KLF12: variants seen among roughly 807,000 people sequenced by gnomAD.
The protein encoded by KLF12 is KLF transcription factor 12, also known as Krueppel-like factor 12.
In KLF12, 9 loss-of-function variants were observed where a neutral mutation model predicts 37.8. The ratio of observed to expected loss-of-function variants is 0.24; its 90% confidence interval spans 0.14 to 0.42. The LOEUF is 0.42. KLF12 is among the 10% of genes least tolerant of loss of function. KLF12 has a pLI of 1.00. For missense variants in KLF12, 411 were observed against 516.0 expected, an observed-to-expected ratio of 0.80 and a Z score of 1.97; for synonymous variants, 208 against 202.1, an observed-to-expected ratio of 1.03 and a Z score of -0.25.
chr13:74,146,651 TAG>T, the KLF12 span, among the ~76,000 whole-genome samples: 6 of 152,368 alleles, frequency 3.9e-5, no homozygotes, highest in East Asian at 9.6e-4. Context: ...TACAATTTCA[TAG>T]AGTTTTTAAT....
chr13:74,123,212 G>A (rs1055826328), intron 1 of KLF12, among the ~76,000 whole-genome samples: 4 of 152,086 alleles, frequency 2.6e-5, no homozygotes, highest in East Asian at 1.9e-4. Flanking sequence ...AATGAAATGC[G>A]TTTAAAATGT....
chr13:74,129,017 A>T (rs1402078677), intron 1 of KLF12, among the ~76,000 whole-genome samples: 1 of 152,214 alleles, frequency 6.6e-6, no homozygotes. Context: ...GATATATAAG[A>T]TGATGAATAT....
chr13:73,712,134 T>A (rs1220677358), intron 7 of KLF12, among the ~76,000 whole-genome samples: 1 of 151,496 alleles, frequency 6.6e-6, no homozygotes, highest in Non-Finnish European at 1.5e-5. Flanking sequence ...AGGTCGGGAG[T>A]TCGAGACCAG....
intron 5 of KLF12, among the ~76,000 whole-genome samples, chr13:73,810,644 A>AAACACACAC (rs1201321726): frequency 1.3e-4 from 8 of 59,682 alleles, no homozygotes; most frequent in Non-Finnish European, 2.9e-4. Flanking sequence ...TATATTTATA[A>AAACACACAC]AGACACACAC....
the KLF12 span, among the ~76,000 whole-genome samples, chr13:74,283,858 CTTTT>C: frequency 7.0e-6 from 1 of 143,556 alleles, no homozygotes. Context: ...ATGTATAAAT[CTTTT>C]TTTTTTTTTT....
At position 73,813,269 on chromosome 13, in the gene KLF12, C is replaced by T. The variant is rs1282132326; in HGVS notation, c.689G>A (p.Gly230Asp). 5.6e-6 allele frequency: 9 copies of T among 1,613,922 alleles called. No individual in the cohort carries two copies. In the East Asian group the frequency reaches 1.3e-4, roughly 24 times the overall value. The stretch of plus-strand genomic sequence containing the variant: ...ACTTTTACTTTGTCTGGGAGATAGG[C>T]CTCGGGGGTCCATTTGTGCTGGAGA... The change falls in exon 5 of 8, where the codon GGC (glycine) becomes GAC (aspartate). Residue 230 changes from glycine (G) to aspartate (D), a missense_variant. By Grantham distance (94) the Gly-to-Asp change is moderately conservative. Coordinates refer to ENST00000377669, the MANE Select transcript of KLF12 (RefSeq NM_007249.5).
At chr13:73,799,688 G>T (rs746592630) in intron 5 of KLF12, among the ~76,000 whole-genome samples, 3 of 152,066 alleles carry the variant, frequency 2.0e-5, no homozygotes, top group Non-Finnish European at 4.4e-5. Flanking sequence ...TTTGATTAAA[G>T]AAGTCATTTG....
chr13:74,241,831 T>G, the KLF12 span, among the ~76,000 whole-genome samples: 2 of 152,136 alleles, frequency 1.3e-5, no homozygotes, highest in African/African-American at 2.4e-5. Context: ...CCCACTGACC[T>G]GCGCCCACTG....
intron 2 of KLF12, among the ~76,000 whole-genome samples, chr13:73,945,897 G>C (rs1174358447): frequency 6.6e-6 from 1 of 152,170 alleles, no homozygotes; most frequent in Non-Finnish European, 1.5e-5. Context: ...TGGTGAGCTT[G>C]GGTGAGTTGT....
intron 5 of KLF12, among the ~76,000 whole-genome samples, chr13:73,781,717 T>C (rs975348011): frequency 6.6e-6 from 1 of 152,176 alleles, no homozygotes; most frequent in Non-Finnish European, 1.5e-5. Flanking sequence ...CCTGAGATAG[T>C]TGCAGAAATA....
At chr13:73,789,228 A>C (rs1881521544) in intron 5 of KLF12, among the ~76,000 whole-genome samples, 1 of 152,090 alleles carries the variant, frequency 6.6e-6, no homozygotes, top group Non-Finnish European at 1.5e-5. Flanking sequence ...CCATGGTGAT[A>C]CTCTACATCT....
the KLF12 span, among the ~76,000 whole-genome samples, chr13:74,295,614 T>A: frequency 6.6e-6 from 1 of 152,226 alleles, no homozygotes; most frequent in Admixed American, 6.5e-5. Flanking sequence ...TGGAACGGAC[T>A]TTCCCTTATT....
chr13:73,743,583 AT>A (rs1336424017), intron 6 of KLF12, among the ~76,000 whole-genome samples: 1 of 152,240 alleles, frequency 6.6e-6, no homozygotes, highest in Non-Finnish European at 1.5e-5. Context: ...ACGTTCTCCC[AT>A]TCATTAAAGT....
the KLF12 span, among the ~76,000 whole-genome samples, chr13:74,250,315 A>G: frequency 6.6e-6 from 1 of 152,174 alleles, no homozygotes; most frequent in Admixed American, 6.5e-5. Context: ...AAAAATGTTG[A>G]TGGCAGGACT....
chr13:74,126,282 T>C (rs920712911), intron 1 of KLF12, among the ~76,000 whole-genome samples: 1 of 152,180 alleles, frequency 6.6e-6, no homozygotes. Context: ...TTGTATGAGA[T>C]TTTGTACGTT....
intron 1 of KLF12, among the ~76,000 whole-genome samples, chr13:74,090,448 C>A (rs1405757109): frequency 1.3e-5 from 2 of 152,098 alleles, no homozygotes; most frequent in Admixed American, 6.6e-5. Flanking sequence ...AATCTACTCC[C>A]AAATTAATCT....
intron 3 of KLF12, among the ~76,000 whole-genome samples, chr13:73,864,029 A>G (rs1027934986): frequency 2.6e-5 from 4 of 152,174 alleles, no homozygotes; most frequent in African/African-American, 9.6e-5. Flanking sequence ...ATAGAATGAT[A>G]CAACTAACCT....
chr13:73,972,795 G>T (rs897686488), intron 2 of KLF12, among the ~76,000 whole-genome samples: 1 of 150,914 alleles, frequency 6.6e-6, no homozygotes, highest in Non-Finnish European at 1.5e-5. Flanking sequence ...AAGGTTGTGT[G>T]TGTTTTGCCC....
At chr13:74,177,501 A>G in the KLF12 span, among the ~76,000 whole-genome samples, 1 of 152,194 alleles carries the variant, frequency 6.6e-6, no homozygotes, top group East Asian at 1.9e-4. Flanking sequence ...ATGAGGCCAG[A>G]AAGTTACCAT....
Sources: allele counts gnomAD v4.1 joint callset (sites outside exome capture counted in the v4.1 genomes callset), GRCh38; gene constraint gnomAD v4.1.1; transcripts MANE v1.5; gene names NCBI Gene and HGNC (gene_info 2026-07-23, HGNC 2026-07-21).